MPPED2: variants seen among roughly 807,000 people sequenced by gnomAD.
MPPED2 encodes metallophosphoesterase domain containing 2.
MPPED2 carries 5 observed loss-of-function variants against 33.0 expected under a neutral mutation model. That is an observed-to-expected ratio of 0.15 (90% CI 0.08 to 0.32). The LOEUF is 0.32. Ranked by LOEUF, MPPED2 falls within the 10% of genes least tolerant of loss-of-function variation. The probability of loss-of-function intolerance (pLI) is 1.00; values close to 1 mark genes in which losing one functional copy is unlikely to be tolerated. For missense variants in MPPED2, 275 were observed against 372.1 expected, an observed-to-expected ratio of 0.74 and a Z score of 2.15; for synonymous variants, 136 against 141.9, an observed-to-expected ratio of 0.96 and a Z score of 0.29.
rs16920703 is a variant in MPPED2 at position 30,452,565 on chromosome 11, C to T, written c.537-34932G>A. Among the ~76,000 whole-genome samples, 1,127 of 152,278 alleles carry T rather than the reference C, an allele frequency of 7.4e-3. 24 individuals carry two copies. The highest frequency in any genetic ancestry group is 0.026 in the African/African-American group (1,068 of 41,546). On this transcript the variant is annotated intron_variant, in intron 4 of 6. Transcript: ENST00000358117. The stretch of plus-strand genomic sequence containing the variant: ...GAAATGAAGATTTTGGGGTCCAACT[C>T]GAACTTACTAAGTCACACCTCTGGG...
intron 6 of MPPED2, among the ~76,000 whole-genome samples, chr11:30,393,434 C>T (rs1038488546): frequency 1.3e-5 from 2 of 152,134 alleles, no homozygotes. Flanking sequence ...AAGAGATTTT[C>T]CATAGAAAAT....
intron 4 of MPPED2, among the ~76,000 whole-genome samples, chr11:30,474,072 T>C (rs920480745): frequency 1.3e-5 from 2 of 152,252 alleles, no homozygotes; most frequent in Non-Finnish European, 2.9e-5. Flanking sequence ...AAATGTTTGT[T>C]ATTTAAGAAG....
intron 4 of MPPED2, among the ~76,000 whole-genome samples, chr11:30,494,757 A>AAAAAAAAG (rs768924251): frequency 0.012 from 1,447 of 120,280 alleles, 18 homozygotes; most frequent in South Asian, 0.031. Flanking sequence ...AAAAAAAAAA[A>AAAAAAAAG]AAAGAAAGAA....
In MPPED2 at chr11:30,533,035, C is replaced by G. The variant is rs118097444; in HGVS notation, c.310+2959G>C. Among the ~76,000 whole-genome samples the G allele has an allele frequency of 6.3e-3, 954 of 152,292 alleles. 10 individuals are homozygous for G. Among genetic ancestry groups the G allele is most frequent in the Non-Finnish European group, 0.01 (682 of 68,024 alleles). ...ACAGCTACTCAACTTCCACATGAAG[C>G]TGCCAGAAGCTACAGCACTTTCTAG... On this transcript the variant is annotated intron_variant, in intron 3 of 6. Transcript: ENST00000358117.
intron 2 of MPPED2, among the ~76,000 whole-genome samples, chr11:30,567,910 C>T (rs376146643): frequency 2.7e-4 from 41 of 152,310 alleles, no homozygotes; most frequent in African/African-American, 9.4e-4. Flanking sequence ...CCTTCCCTCC[C>T]TGTGTCTCCC....
intron 4 of MPPED2, among the ~76,000 whole-genome samples, chr11:30,454,439 T>TG (rs1565083518): frequency 1.3e-5 from 2 of 152,042 alleles, no homozygotes; most frequent in African/African-American, 4.8e-5. Context: ...TTTGTATGTG[T>TG]GGGGGTGGAA....
intron 4 of MPPED2, among the ~76,000 whole-genome samples, chr11:30,482,940 G>A (rs4506618): frequency 1.3e-5 from 2 of 151,726 alleles, no homozygotes; most frequent in East Asian, 1.9e-4. Flanking sequence ...CCTTAAATAC[G>A]AATACCCTCC....
At chr11:30,455,740 C>T (rs953107516) in intron 4 of MPPED2, among the ~76,000 whole-genome samples, 3 of 152,168 alleles carry the variant, frequency 2.0e-5, no homozygotes, top group Non-Finnish European at 4.4e-5. Context: ...TGTCCCTTTC[C>T]AGATCAGCTT....
chr11:30,472,045 T>G (rs1950972233), intron 4 of MPPED2, among the ~76,000 whole-genome samples: 1 of 152,152 alleles, frequency 6.6e-6, no homozygotes, highest in South Asian at 2.1e-4. Context: ...AACATTTGGG[T>G]ATATCTACAG....
chr11:30,525,064 A>G (rs75133333), intron 3 of MPPED2, among the ~76,000 whole-genome samples: 2 of 152,232 alleles, frequency 1.3e-5, no homozygotes, highest in African/African-American at 4.8e-5. Context: ...CAAAGCCCCC[A>G]GTCCTAGGCC....
intron 2 of MPPED2, among the ~76,000 whole-genome samples, chr11:30,539,926 G>A (rs1306731308): frequency 4.6e-5 from 7 of 152,028 alleles, no homozygotes; most frequent in African/African-American, 1.7e-4. Context: ...CCCCCACCTG[G>A]CTTCAATTTT....
At chr11:30,476,387 T>G (rs1400942954) in intron 4 of MPPED2, among the ~76,000 whole-genome samples, 1 of 152,030 alleles carries the variant, frequency 6.6e-6, no homozygotes, top group African/African-American at 2.4e-5. Context: ...TAGATTTCAT[T>G]TTTTAAAAAA....
downstream of MPPED2, among the ~76,000 whole-genome samples, chr11:30,408,245 G>C (rs1401504035): frequency 7.2e-5 from 11 of 152,330 alleles, 1 homozygote; most frequent in South Asian, 2.3e-3. Flanking sequence ...GGCTGTCAAA[G>C]AGCCACATTG....
chr11:30,483,786 G>A (rs1951602316), intron 4 of MPPED2, among the ~76,000 whole-genome samples: 6 of 151,986 alleles, frequency 3.9e-5, no homozygotes. Flanking sequence ...ACTTCCCATG[G>A]CTCATGAAGC....
chr11:30,452,179 G>T, intron 4 of MPPED2: 1 of 773,360 alleles, frequency 1.3e-6, no homozygotes, highest in Non-Finnish European at 1.6e-6. Context: ...AAATTCTTGA[G>T]CTCCAAACAG....
At chr11:30,529,069 C>A (rs1035134406) in intron 3 of MPPED2, among the ~76,000 whole-genome samples, 12 of 152,104 alleles carry the variant, frequency 7.9e-5, no homozygotes, top group African/African-American at 2.9e-4. Context: ...AGCAAGAGAT[C>A]TAGCTAAATA....
chr11:30,413,102 A>G (rs2085148990), intron 6 of MPPED2, among the ~76,000 whole-genome samples: 1 of 152,138 alleles, frequency 6.6e-6, no homozygotes, highest in Non-Finnish European at 1.5e-5. Flanking sequence ...CTTTCCACCC[A>G]CTCAGCTGGT....
intron 6 of MPPED2, among the ~76,000 whole-genome samples, chr11:30,401,404 G>A (rs1167120416): frequency 6.6e-6 from 1 of 152,184 alleles, no homozygotes; most frequent in African/African-American, 2.4e-5. Flanking sequence ...CCTGTTGCAT[G>A]GCTGAGAAGA....
chr11:30,407,014 A>G (rs1052538300), downstream of MPPED2, among the ~76,000 whole-genome samples: 5 of 152,190 alleles, frequency 3.3e-5, no homozygotes, highest in South Asian at 1.0e-3. Flanking sequence ...GGAATGGGGC[A>G]TTATTCTGAG....
Sources: allele counts gnomAD v4.1 joint callset (sites outside exome capture counted in the v4.1 genomes callset), GRCh38; gene constraint gnomAD v4.1.1; transcripts MANE v1.5; gene names NCBI Gene and HGNC (gene_info 2026-07-23, HGNC 2026-07-21).